Variants in ADGRB1 observed in about 807,000 individuals in gnomAD.
The protein encoded by ADGRB1 is brain-specific angiogenesis inhibitor 1.
In ADGRB1, 36 loss-of-function variants were observed where a neutral mutation model predicts 175.7. The observed-to-expected ratio is 0.20, with a 90% confidence interval of 0.16 to 0.27. The LOEUF is 0.27. Among genes scored for constraint, ADGRB1 ranks in the 10% least tolerant of loss-of-function variants. The pLI is 1.00. For synonymous variants in ADGRB1, 1,054 were observed against 979.4 expected, an observed-to-expected ratio of 1.08 and a Z score of -1.42; for missense variants, 1,731 against 2,255.3, an observed-to-expected ratio of 0.77 and a Z score of 4.71.
At chr8:142,501,515 G>A (rs1441475022) in intron 17 of ADGRB1, among the ~76,000 whole-genome samples, 1 of 140,010 alleles carries the variant, frequency 7.1e-6, no homozygotes, top group Admixed American at 6.9e-5. Flanking sequence ...GTGTGGTTTT[G>A]ACGATGGAGG....
At chr8:142,467,820 G>A (rs1217097438) in intron 2 of ADGRB1, among the ~76,000 whole-genome samples, 1 of 151,988 alleles carries the variant, frequency 6.6e-6, no homozygotes, top group East Asian at 1.9e-4. Flanking sequence ...AAAATATCTT[G>A]TTTCTTAGAT....
intron 2 of ADGRB1, among the ~76,000 whole-genome samples, chr8:142,473,439 G>A (rs1240703605): frequency 1.3e-5 from 2 of 152,212 alleles, no homozygotes; most frequent in African/African-American, 2.4e-5. Context: ...GGATGGGGGC[G>A]TTTGGAATCT....
Position 142,533,374 on chromosome 8 carries a change from C to T in ADGRB1, c.3478C>T (p.Arg1160Cys), listed in dbSNP as rs1249764044. 5 of 1,608,580 alleles carry T rather than the reference C, an allele frequency of 3.1e-6. No homozygotes were observed. Among genetic ancestry groups the T allele is most frequent in the East Asian group, 2.2e-5 (1 of 44,778 alleles). The change falls in exon 25 of 31, where the codon CGC becomes TGC. Residue 1160 changes from arginine to cysteine, a missense_variant. This residue lies in a region of ADGRB1 where 301 missense variants were observed against 488.4 expected (regional missense o/e 0.62). Transcript: ENST00000517894. The part of the protein sequence containing the change: ...WMSAVLAVTD[R>C]RSALFQILFA... ...GTCGGCTGTGCTCGCCGTCACCGAC[C>T]GCCGCTCCGCCCTCTTCCAGATCCT...
intron 18 of ADGRB1, among the ~76,000 whole-genome samples, chr8:142,515,909 C>T (rs1223387467): frequency 2.0e-5 from 3 of 152,230 alleles, no homozygotes; most frequent in African/African-American, 7.2e-5. Context: ...TCTTGCCCTC[C>T]CAGAGCGTAG....
At chr8:142,531,299 T>C (rs1464262624) in intron 24 of ADGRB1, among the ~76,000 whole-genome samples, 2 of 152,202 alleles carry the variant, frequency 1.3e-5, no homozygotes, top group Non-Finnish European at 2.9e-5. Context: ...TCTGTGAATA[T>C]TGATGGAGGG....
At chr8:142,456,810 C>G (rs1176846631) in intron 1 of ADGRB1, among the ~76,000 whole-genome samples, 5 of 152,264 alleles carry the variant, frequency 3.3e-5, no homozygotes, top group Non-Finnish European at 7.3e-5. Flanking sequence ...GGGATACAGC[C>G]TCCTCTCAGG....
Position 142,543,865 on chromosome 8 carries a change from C to T in ADGRB1, c.4557+157C>T, listed in dbSNP as rs977813869. Reference sequence around the variant, plus strand: ...GCCCATCCCTGAGGGCTGGCCTGACCCTGCCATGCCAGACTCTGGAGGCCA... The same window carrying T: ...GCCCATCCCTGAGGGCTGGCCTGACTCTGCCATGCCAGACTCTGGAGGCCA... On this transcript the variant is annotated intron_variant, in intron 30 of 30. Transcript: ENST00000517894. This position sits in a 1 kb window ranked among gnomAD's most constrained non-coding sequence, Gnocchi z 4.4. Among the ~76,000 whole-genome samples, 17 of 152,110 alleles carry T rather than the reference C, an allele frequency of 1.1e-4. No individual in the cohort carries two copies. Among genetic ancestry groups the T allele is most frequent in the African/African-American group, 3.9e-4 (16 of 41,416 alleles).
chr8:142,526,525 C>CCCACAA lies in ADGRB1; in HGVS notation c.3313-17_3313-16insCCACAA. ...GCGGCCCCCACCCCCACACCCCCAC[C>CCCACAA]ACTCTCTGCCCGGCAGGTGAACATG... On this transcript the variant is annotated splice_polypyrimidine_tract_variant and intron_variant, in intron 23 of 30. Transcript: ENST00000517894. The CCCACAA allele has an allele frequency of 4.5e-6, 7 of 1,560,262 alleles. No homozygotes were observed. The highest frequency in any genetic ancestry group is 6.1e-6 in the Non-Finnish European group (7 of 1,147,504).
chr8:142,451,017 G>C (rs912298864), intron 1 of ADGRB1, among the ~76,000 whole-genome samples: 1 of 152,160 alleles, frequency 6.6e-6, no homozygotes, highest in Non-Finnish European at 1.5e-5. Context: ...GCTTGGAGCC[G>C]CGCGGAGCTG....
chr8:142,522,541 C>A, intron 21 of ADGRB1, 100 bp from the exon 22 acceptor site: 1 of 1,205,100 alleles, frequency 8.3e-7, no homozygotes, highest in Non-Finnish European at 1.2e-6. Flanking sequence ...GCTTCAGAAG[C>A]GCCTGCCTGG....
At position 142,455,678 on chromosome 8, in the gene ADGRB1, G is replaced by A. The variant is rs1211514145; in HGVS notation, c.-220+5574G>A. The stretch of plus-strand genomic sequence containing the variant: ...ACTCAGCTGTGGGCCAGTTTTGGGG[G>A]TGCTGACTCTTGACTGAGACATGTG... On this transcript the variant is annotated intron_variant, in intron 1 of 30. Coordinates refer to ENST00000517894, the MANE Select transcript of ADGRB1 (RefSeq NM_001702.3). The surrounding 1 kb of genome is among the most constrained non-coding windows in gnomAD (Gnocchi z 4.9). 2.0e-5 allele frequency among the ~76,000 whole-genome samples: 3 copies of A among 152,328 alleles called. No homozygotes were observed. The highest frequency in any genetic ancestry group is 7.2e-5 in the African/African-American group (3 of 41,566).
intron 24 of ADGRB1, among the ~76,000 whole-genome samples, chr8:142,530,640 T>C (rs972446386): frequency 1.3e-5 from 2 of 152,180 alleles, no homozygotes; most frequent in African/African-American, 4.8e-5. Context: ...GCGTCCACAC[T>C]GGCCTGCCAG....
rs939170258 is a variant in ADGRB1, at chr8:142,449,671, G to C, written c.-653G>C. The C allele has an allele frequency of 6.7e-6, 1 of 149,708 alleles. No individual in the cohort carries two copies. The highest frequency in any genetic ancestry group is 1.5e-5 in the Non-Finnish European group (1 of 67,072). 9.3% of individuals were successfully genotyped at this position (149,708 alleles called of 1,614,324 possible). A position where few individuals can be genotyped will look rare whatever the true frequency, so the allele number is the denominator to read the frequency against. On this transcript the variant is annotated 5_prime_UTR_variant, in exon 1 of 31. Coordinates refer to ENST00000517894, the MANE Select transcript of ADGRB1 (RefSeq NM_001702.3). ...GGCGAGAAGAGCCGGGCAGGCGAGA[G>C]GAGCGGAGCGGCGGCGGCGGCCGGA... is the stretch of plus-strand genomic sequence containing the variant.
chr8:142,484,431 C>T (rs1376983948), intron 12 of ADGRB1, among the ~76,000 whole-genome samples: 2 of 152,226 alleles, frequency 1.3e-5, no homozygotes, highest in African/African-American at 2.4e-5. Flanking sequence ...TGTGGGTATC[C>T]AGAGACTTTC....
chr8:142,460,965 G>C (rs1444839560), intron 1 of ADGRB1, among the ~76,000 whole-genome samples: 1 of 152,212 alleles, frequency 6.6e-6, no homozygotes, highest in Non-Finnish European at 1.5e-5. Context: ...GCCACCTCTT[G>C]CCTACAGGGT....
At chr8:142,539,326 C>T (rs1231483486) in intron 26 of ADGRB1, 48 bp from the exon 27 acceptor site, 5 of 1,551,186 alleles carry the variant, frequency 3.2e-6, no homozygotes, top group East Asian at 4.9e-5. Context: ...GTGCACACAC[C>T]CCCGCTCCCA....
chr8:142,529,999 C>T (rs570351833), intron 24 of ADGRB1, among the ~76,000 whole-genome samples: 3 of 141,618 alleles, frequency 2.1e-5, no homozygotes, highest in South Asian at 2.5e-4. Context: ...TGTGTGTGAG[C>T]GCAACCTGCT....
At chr8:142,531,556 A>C (rs1844624634) in intron 24 of ADGRB1, among the ~76,000 whole-genome samples, 1 of 152,190 alleles carries the variant, frequency 6.6e-6, no homozygotes, top group African/African-American at 2.4e-5. Context: ...AAGGAGTCCC[A>C]TGAGGCTATT....
intron 27 of ADGRB1, among the ~76,000 whole-genome samples, chr8:142,540,172 C>T (rs1022287261): frequency 6.6e-5 from 10 of 152,226 alleles, no homozygotes; most frequent in African/African-American, 2.4e-4. Context: ...TGAAGAGCAC[C>T]TTCTCTAGAG....
Sources: gnomAD v4.1 joint callset for allele counts (sites outside exome capture counted in the v4.1 genomes callset) on GRCh38, gnomAD v4.1.1 for gene constraint, gnomAD v4.1.1 regional missense constraint, Gnocchi (gnomAD v3.1) non-coding constraint, MANE v1.5 for transcripts, NCBI Gene and HGNC (gene_info 2026-07-23, HGNC 2026-07-21) for gene names.